The following CFAP70 variants were observed in gnomAD, a reference collection of about 807,000 sequenced individuals.
CFAP70 encodes cilia- and flagella-associated protein 70.
CFAP70 carries 81 observed loss-of-function variants against 137.6 expected under a neutral mutation model. The ratio of observed to expected loss-of-function variants is 0.59; its 90% confidence interval spans 0.49 to 0.71. CFAP70 has a LOEUF of 0.71. CFAP70 is among the 30% of genes least tolerant of loss of function. CFAP70 has a pLI of 0.00. For missense variants in CFAP70, 976 were observed against 1,226.7 expected (o/e 0.80, Z 3.05); for synonymous variants, 382 against 423.6 (o/e 0.90, Z 1.20).
chr10:73,339,480 G>A (rs1051480999), intron 6 of CFAP70, among the ~76,000 whole-genome samples: 2 of 152,174 alleles, frequency 1.3e-5, no homozygotes, highest in African/African-American at 4.8e-5. Flanking sequence ...TCACACCTTT[G>A]CCCAAATTTT....
At chr10:73,307,163 G>A (rs975361117) in intron 12 of CFAP70, among the ~76,000 whole-genome samples, 1 of 152,056 alleles carries the variant, frequency 6.6e-6, no homozygotes, top group African/African-American at 2.4e-5. Flanking sequence ...GGTTTAAGGT[G>A]CTAATTGTTG....
At chr10:73,289,935 C>CT (rs1357654344) in intron 19 of CFAP70, among the ~76,000 whole-genome samples, 2 of 151,176 alleles carry the variant, frequency 1.3e-5, no homozygotes, top group Admixed American at 1.3e-4. Context: ...GCTCCAGCTA[C>CT]TTGGAAGGCT....
At chr10:73,273,107 TC>T in intron 23 of CFAP70, 90 bp from the exon 25 acceptor site, 1 of 976,834 alleles carries the variant, frequency 1.0e-6, no homozygotes, top group African/African-American at 1.6e-5. Context: ...ATAATTGCTC[TC>T]CAGAACAATC....
chr10:73,345,158 C>T (rs150217808), intron 4 of CFAP70: 79 of 1,614,064 alleles, frequency 4.9e-5, no homozygotes, highest in Non-Finnish European at 6.6e-5. Context: ...CAGCCTCCAA[C>T]GTGACCTTCA....
chr10:73,266,138 ATTGT>A (rs2133651565), intron 25 of CFAP70, among the ~76,000 whole-genome samples: 1 of 152,250 alleles, frequency 6.6e-6, no homozygotes, highest in Admixed American at 6.5e-5. Flanking sequence ...TTTCAAATTG[ATTGT>A]TCCTGATTTT....
intron 24 of CFAP70, among the ~76,000 whole-genome samples, chr10:73,271,654 A>G (rs1289041328): frequency 2.0e-5 from 3 of 152,184 alleles, no homozygotes. Context: ...CAACTTGTGG[A>G]GTTACGGATA....
rs879360307 is a variant in CFAP70 at position 73,328,659 on chromosome 10, C to G, written c.777+2518G>C. ...AATTTACAAGAAAAAAACAAACAAC[C>G]CCATCAAAAAGTGGGCGAAGGACAT... On this transcript the variant is annotated intron_variant, in intron 8 of 26. Transcript: ENST00000310715. Among the ~76,000 whole-genome samples the G allele has an allele frequency of 1.7e-3, 245 of 141,222 alleles. 4 individuals are homozygous for G. Among genetic ancestry groups the G allele is most frequent in the Non-Finnish European group, 2.9e-3 (186 of 65,242 alleles). The allele number at this position is 141,222 out of a possible 152,430, so 92.6% of individuals were successfully genotyped here. A position where few individuals can be genotyped will look rare whatever the true frequency, so the allele number is the denominator to read the frequency against.
intron 25 of CFAP70, among the ~76,000 whole-genome samples, chr10:73,260,283 C>T (rs149345054): frequency 3.8e-4 from 57 of 151,944 alleles, no homozygotes; most frequent in Middle Eastern, 3.4e-3. Context: ...AGCCCAGGAT[C>T]GTCCCACTGC....
At chr10:73,318,970 C>A (rs1270683367) in intron 9 of CFAP70, among the ~76,000 whole-genome samples, 1 of 152,170 alleles carries the variant, frequency 6.6e-6, no homozygotes, top group Non-Finnish European at 1.5e-5. Context: ...TGAGATGGAG[C>A]AAGGATCCTC....
At position 73,292,392 on chromosome 10, in the gene CFAP70, G is replaced by A. The variant is rs1390809157; in HGVS notation, c.1771-378C>T. On this transcript the variant is annotated intron_variant, in intron 16 of 26. Transcript: ENST00000310715. ...AAGTTTATCTACAAATCTGAAAAAT[G>A]CACTTCATGATGAGTGAAAACTATA... Among the ~76,000 whole-genome samples, 9 of 152,102 alleles carry A rather than the reference G, an allele frequency of 5.9e-5. 1 individual carries two copies. Among genetic ancestry groups the A allele is most frequent in the Admixed American group, 5.9e-4 (9 of 15,270 alleles).
At chr10:73,284,796 A>G (rs1365894880) in intron 19 of CFAP70, among the ~76,000 whole-genome samples, 6 of 77,212 alleles carry the variant, frequency 7.8e-5, no homozygotes, top group Non-Finnish European at 1.2e-4. Flanking sequence ...ATATATATAT[A>G]TATATATAAA....
intron 12 of CFAP70, among the ~76,000 whole-genome samples, chr10:73,305,234 A>G (rs1309882510): frequency 6.6e-6 from 1 of 152,226 alleles, no homozygotes; most frequent in Non-Finnish European, 1.5e-5. Context: ...ACAGGGTGGA[A>G]AAGTATTGTT....
At chr10:73,288,816 G>A (rs887252899) in intron 19 of CFAP70, among the ~76,000 whole-genome samples, 7 of 152,132 alleles carry the variant, frequency 4.6e-5, no homozygotes, top group Admixed American at 2.0e-4. Flanking sequence ...TTTGACCAGC[G>A]GAAGAGAAGA....
chr10:73,328,289 G>T (rs559577019), intron 8 of CFAP70, among the ~76,000 whole-genome samples: 12 of 151,856 alleles, frequency 7.9e-5, no homozygotes, highest in Admixed American at 3.9e-4. Context: ...TAGCCATATG[G>T]AGAAAGCTGA....
chr10:73,291,012 T>A (rs1230155817), intron 19 of CFAP70, among the ~76,000 whole-genome samples: 5 of 152,142 alleles, frequency 3.3e-5, no homozygotes, highest in African/African-American at 1.2e-4. Context: ...AGTACTTTTC[T>A]TTTTATTTTT....
intron 3 of CFAP70, among the ~76,000 whole-genome samples, chr10:73,351,071 G>GTATATATATATATATA (rs1158760266): frequency 6.4e-5 from 2 of 31,390 alleles, no homozygotes; most frequent in Non-Finnish European, 1.3e-4. Flanking sequence ...GTGTGTGTGT[G>GTATATATATATATATA]TATATATATA....
intron 19 of CFAP70, among the ~76,000 whole-genome samples, chr10:73,288,863 A>G (rs1212115666): frequency 6.6e-6 from 1 of 152,220 alleles, no homozygotes; most frequent in Admixed American, 6.5e-5. Context: ...CTTCCTTCCC[A>G]TATTATTCAG....
intron 8 of CFAP70, among the ~76,000 whole-genome samples, chr10:73,326,809 GACCAATAAC>G: frequency 6.6e-6 from 1 of 152,116 alleles, no homozygotes; most frequent in Admixed American, 6.6e-5. Context: ...TCTCTGAATA[GACCAATAAC>G]AGGCTCTGAA....
upstream of CFAP70, among the ~76,000 whole-genome samples, chr10:73,360,242 T>TAAAC (rs2054955357): frequency 6.6e-6 from 1 of 152,158 alleles, no homozygotes; most frequent in African/African-American, 2.4e-5. Context: ...TAGGGGAAAA[T>TAAAC]AAACACTAGT....
Sources: gnomAD v4.1 joint callset for allele counts (sites outside exome capture counted in the v4.1 genomes callset) on GRCh38, gnomAD v4.1.1 for gene constraint, MANE v1.5 for transcripts, NCBI Gene and HGNC (gene_info 2026-07-23, HGNC 2026-07-21) for gene names.